ZNF521: variants seen among roughly 807,000 people sequenced by gnomAD.
The protein encoded by ZNF521 is LYST-interacting protein 3.
Under a neutral mutation model 105.5 loss-of-function variants are expected in ZNF521, and 14 were observed. That is an observed-to-expected ratio of 0.13 (90% CI 0.09 to 0.21). ZNF521 has a LOEUF of 0.21. ZNF521 is among the 10% of genes least tolerant of loss of function. The probability of loss-of-function intolerance (pLI) is 1.00; values close to 1 mark genes in which losing one functional copy is unlikely to be tolerated. For missense variants in ZNF521, 1,233 were observed against 1,629.7 expected, an observed-to-expected ratio of 0.76 and a Z score of 4.19; for synonymous variants, 635 against 606.0, an observed-to-expected ratio of 1.05 and a Z score of -0.70.
At chr18:25,254,256 A>G (rs78932584) in intron 3 of ZNF521, among the ~76,000 whole-genome samples, 2,311 of 152,224 alleles carry the variant, frequency 0.015, 54 homozygotes, top group East Asian at 0.083. Flanking sequence ...TGCATACAAA[A>G]GATGTATTCA....
intron 5 of ZNF521, among the ~76,000 whole-genome samples, chr18:25,190,578 T>C (rs2035801293): frequency 6.6e-6 from 1 of 152,148 alleles, no homozygotes; most frequent in South Asian, 2.1e-4. Context: ...GCAAGTGCAC[T>C]CAAGCTGAAA....
At chr18:25,342,936 G>A (rs751274670) in intron 2 of ZNF521, among the ~76,000 whole-genome samples, 5 of 152,164 alleles carry the variant, frequency 3.3e-5, no homozygotes, top group East Asian at 1.9e-4. Flanking sequence ...CTAAGAACAC[G>A]TATGAAATGC....
intron 3 of ZNF521, among the ~76,000 whole-genome samples, chr18:25,304,520 T>C (rs976277900): frequency 2.0e-5 from 3 of 152,220 alleles, no homozygotes; most frequent in Admixed American, 2.0e-4. Context: ...AACTCTTCAA[T>C]ATTCTGAGTG....
chr18:25,296,567 G>T (rs1348705580), intron 3 of ZNF521, among the ~76,000 whole-genome samples: 1 of 152,148 alleles, frequency 6.6e-6, no homozygotes, highest in African/African-American at 2.4e-5. Context: ...GAGAATCAGA[G>T]AATTTTCTTT....
intron 5 of ZNF521, among the ~76,000 whole-genome samples, chr18:25,143,156 T>C (rs562041481): frequency 1.6e-3 from 238 of 152,162 alleles, no homozygotes; most frequent in African/African-American, 5.5e-3. Context: ...TTTCTACATT[T>C]ATACTCTTTT....
chr18:25,185,124 T>C (rs1437490126), intron 5 of ZNF521, among the ~76,000 whole-genome samples: 1 of 152,198 alleles, frequency 6.6e-6, no homozygotes, highest in Non-Finnish European at 1.5e-5. Flanking sequence ...AGACCTCTAT[T>C]TTAAAATGAA....
intron 3 of ZNF521, among the ~76,000 whole-genome samples, chr18:25,297,767 C>T (rs1041161690): frequency 6.6e-6 from 1 of 152,082 alleles, no homozygotes; most frequent in African/African-American, 2.4e-5. Flanking sequence ...CAGATAAAAA[C>T]TCTGTTTTTA....
chr18:25,105,217 G>C (rs1036631909), intron 5 of ZNF521, among the ~76,000 whole-genome samples: 6 of 152,124 alleles, frequency 3.9e-5, no homozygotes, highest in African/African-American at 1.2e-4. Flanking sequence ...GTGACACACA[G>C]GACCTAGAAT....
At chr18:25,335,568 T>C (rs2145190247) in intron 2 of ZNF521, among the ~76,000 whole-genome samples, 1 of 152,322 alleles carries the variant, frequency 6.6e-6, no homozygotes, top group East Asian at 1.9e-4. Flanking sequence ...TTTGTCACTT[T>C]CTATCATTTA....
At chr18:25,141,745 G>T (rs2034851221) in intron 5 of ZNF521, among the ~76,000 whole-genome samples, 1 of 151,980 alleles carries the variant, frequency 6.6e-6, no homozygotes, top group Non-Finnish European at 1.5e-5. Context: ...TGCCCTCCTG[G>T]TTATCTTGTA....
intron 3 of ZNF521, among the ~76,000 whole-genome samples, chr18:25,270,416 A>C (rs1265086318): frequency 6.6e-6 from 1 of 152,202 alleles, no homozygotes; most frequent in Admixed American, 6.5e-5. Flanking sequence ...ACTCTTCCTA[A>C]CTCATTTTAT....
intron 4 of ZNF521, among the ~76,000 whole-genome samples, chr18:25,212,237 C>T (rs1328137908): frequency 2.0e-5 from 3 of 151,694 alleles, no homozygotes; most frequent in Admixed American, 2.0e-4. Flanking sequence ...AATGGCCGGG[C>T]ATGGTGGCTC....
At chr18:25,316,907 A>T (rs901022933) in intron 3 of ZNF521, among the ~76,000 whole-genome samples, 6 of 147,084 alleles carry the variant, frequency 4.1e-5, no homozygotes, top group African/African-American at 7.5e-5. Context: ...TAGGCTAGAG[A>T]GCAATGACAC....
chr18:25,299,324 GAC>G (rs1911498264), intron 3 of ZNF521, among the ~76,000 whole-genome samples: 1 of 152,212 alleles, frequency 6.6e-6, no homozygotes, highest in South Asian at 2.1e-4. Context: ...AGGAGAGAAA[GAC>G]AGTGAGTGAT....
At chr18:25,258,336 C>A (rs1016214302) in intron 3 of ZNF521, among the ~76,000 whole-genome samples, 2 of 152,082 alleles carry the variant, frequency 1.3e-5, no homozygotes, top group Admixed American at 1.3e-4. Context: ...GTACAGCTTG[C>A]CCAACATGAA....
At chr18:25,344,376 TAA>T (rs1914366616) in intron 2 of ZNF521, among the ~76,000 whole-genome samples, 1 of 152,222 alleles carries the variant, frequency 6.6e-6, no homozygotes, top group South Asian at 2.1e-4. Flanking sequence ...CTTTAATGTT[TAA>T]GTTTTAATTG....
intron 4 of ZNF521, among the ~76,000 whole-genome samples, chr18:25,204,830 G>T (rs1483741277): frequency 6.6e-6 from 1 of 151,902 alleles, no homozygotes; most frequent in Admixed American, 6.6e-5. Context: ...TCCAAATAAG[G>T]TATCTTCATC....
At chr18:25,309,033 C>T (rs77660646) in intron 3 of ZNF521, among the ~76,000 whole-genome samples, 1,879 of 152,208 alleles carry the variant, frequency 0.012, 22 homozygotes, top group Non-Finnish European at 0.016. Flanking sequence ...CTGTGAGTGA[C>T]CATTAGCAAA....
intron 2 of ZNF521, among the ~76,000 whole-genome samples, chr18:25,336,664 G>A (rs190173293): frequency 3.9e-5 from 6 of 152,234 alleles, no homozygotes; most frequent in East Asian, 3.9e-4. Flanking sequence ...GGTACCTGTC[G>A]TGGCAGACTG....
Sources: allele counts gnomAD v4.1 joint callset (sites outside exome capture counted in the v4.1 genomes callset), GRCh38; gene constraint gnomAD v4.1.1; transcripts MANE v1.5; gene names NCBI Gene and HGNC (gene_info 2026-07-23, HGNC 2026-07-21).